ZNF528: variants seen among roughly 807,000 people sequenced by gnomAD.
ZNF528 encodes zinc finger protein 528.
ZNF528 carries 9 observed loss-of-function variants against 13.3 expected under a neutral mutation model. That is an observed-to-expected ratio of 0.67 (90% CI 0.41 to 1.18). The LOEUF (loss-of-function observed/expected upper bound fraction) is 1.18. Among genes scored for constraint, ZNF528 ranks in the 50% most tolerant of loss-of-function variants. The probability of loss-of-function intolerance (pLI) is 0.01; values close to 1 mark genes in which losing one functional copy is unlikely to be tolerated. For synonymous variants in ZNF528, 264 were observed against 254.3 expected (o/e 1.04, Z -0.36); for missense variants, 858 against 745.4 (o/e 1.15, Z -1.76).
chr19:52,417,183 C>T lies in ZNF528; in HGVS notation c.*444C>T, dbSNP rs763058233. The T allele has an allele frequency of 4.8e-5, 12 of 251,048 alleles. No homozygotes were observed. Among genetic ancestry groups the T allele is most frequent in the East Asian group, 2.4e-4 (2 of 8,236 alleles). The allele number at this position is 251,048 out of a possible 1,614,324, so 15.6% of individuals were successfully genotyped here. A position where few individuals can be genotyped will look rare whatever the true frequency, so the allele number is the denominator to read the frequency against. On this transcript the variant is annotated 3_prime_UTR_variant, in exon 7 of 7. Coordinates refer to ENST00000360465, the MANE Select transcript of ZNF528 (RefSeq NM_032423.3). ...AAGGCTACTTTACTCTTTGTGACTT[C>T]GAAATCTTTTCATGTGCCTTCCATA...
rs201245446 is a variant in ZNF528 at position 52,416,528 on chromosome 19, G to C, written c.1676G>C (p.Arg559Pro). ...YRCSKCGKAFRGCSGLTAHLA... is the reference protein window; with the variant it reads ...YRCSKCGKAFPGCSGLTAHLA... ...TGTAGTAAATGTGGCAAAGCATTTC[G>C]AGGGTGTTCAGGCCTTACTGCCCAT... is the stretch of plus-strand genomic sequence containing the variant. Residue 559 changes from arginine to proline, a missense_variant, in exon 7 of 7, where the codon CGA (arginine) becomes CCA (proline). Transcript: ENST00000360465. The C allele has an allele frequency of 6.2e-7, 1 of 1,614,148 alleles. No individual in the cohort carries two copies. The highest frequency in any genetic ancestry group is 1.7e-5 in the Admixed American group (1 of 60,020).
Position 52,415,452 on chromosome 19 carries a change from C to G in ZNF528, c.600C>G (p.Ser200Arg). The stretch of plus-strand genomic sequence containing the variant: ...GCCAAGTCTTTAGAGCATCTGCAAG[C>G]CTTACTAACCAAGTAATCCATAACG... The part of the protein sequence containing the change: ...EHGQVFRASA[S>R]LTNQVIHNAD... The change falls in exon 7 of 7, where the codon AGC (serine) becomes AGG (arginine). Residue 200 changes from serine (S) to arginine (R), a missense_variant. Transcript: ENST00000360465. 3.7e-6 allele frequency: 6 copies of G among 1,614,190 alleles called. No individual in the cohort carries two copies. The highest frequency in any genetic ancestry group is 5.1e-6 in the Non-Finnish European group (6 of 1,180,038).
Position 52,416,979 on chromosome 19 carries a change from C to A in ZNF528, c.*240C>A, listed in dbSNP as rs115564661. 1.9e-5 allele frequency: 9 copies of A among 474,748 alleles called. No homozygotes were observed. Among genetic ancestry groups the A allele is most frequent in the Non-Finnish European group, 3.4e-5 (9 of 267,364 alleles). 29.4% of individuals were successfully genotyped at this position (474,748 alleles called of 1,614,324 possible). A position where few individuals can be genotyped will look rare whatever the true frequency, so the allele number is the denominator to read the frequency against. On this transcript the variant is annotated 3_prime_UTR_variant, in exon 7 of 7. Transcript: ENST00000360465. ...GCTATAGAACACGATAGGATTTACA[C>A]AAGAAGTAACTCTGTCTCTGGTTCT...
At position 52,416,770 on chromosome 19, in the gene ZNF528, C is replaced by T; in HGVS notation, c.*31C>T. ...CCTACAAACTGTATGGCAAAACCAT[C>T]ATCATGAGTTCTAGCATTAATCAAC... On this transcript the variant is annotated 3_prime_UTR_variant, in exon 7 of 7. Transcript: ENST00000360465. 1 of 1,553,858 alleles carries T rather than the reference C, an allele frequency of 6.4e-7. No individual in the cohort carries two copies. The highest frequency in any genetic ancestry group is 2.3e-5 in the East Asian group (1 of 44,162).
intron 4 of ZNF528, 137 bp downstream of exon 4, chr19:52,402,165 CT>C: frequency 8.0e-7 from 1 of 1,250,504 alleles, no homozygotes; most frequent in Non-Finnish European, 1.1e-6. Flanking sequence ...CTTCCAGTCC[CT>C]TCATTTCCGC....
At chr19:52,414,316 A>G in intron 6 of ZNF528, 2 of 702,516 alleles carry the variant, frequency 2.8e-6, no homozygotes, top group Non-Finnish European at 5.2e-6. Context: ...TGCCACCTGC[A>G]CAGACCTTGG....
intron 6 of ZNF528, among the ~76,000 whole-genome samples, chr19:52,407,701 A>C (rs1404342189): frequency 6.6e-6 from 1 of 151,984 alleles, no homozygotes; most frequent in Non-Finnish European, 1.5e-5. Flanking sequence ...GCTTGAACCT[A>C]GGAGGTGGAG....
At chr19:52,401,662 CTT>C (rs34244828) in intron 2 of ZNF528, 21 bp from the exon 3 acceptor site, 30,905 of 883,984 alleles carry the variant, frequency 0.035, 1 homozygote, top group South Asian at 0.043. Flanking sequence ...TGAAGAATTG[CTT>C]TTTTTTTTTT....
chr19:52,408,967 A>G (rs2058894576), intron 6 of ZNF528, among the ~76,000 whole-genome samples: 1 of 152,218 alleles, frequency 6.6e-6, no homozygotes, highest in African/African-American at 2.4e-5. Context: ...GGACAGGTCT[A>G]GAATACTAAT....
chr19:52,402,239 G>C (rs1295175000), intron 4 of ZNF528, among the ~76,000 whole-genome samples: 1 of 152,114 alleles, frequency 6.6e-6, no homozygotes. Flanking sequence ...ACTGGGCATG[G>C]TCCGGGGGAG....
Position 52,399,460 on chromosome 19 carries a change from T to C in ZNF528, c.-137+841T>C, listed in dbSNP as rs2058766177. ...CCCATCTCTAGTAAAAATACAAAAA[T>C]TAGCTGGGCCTGATGGCCTGCGCCT... On this transcript the variant is annotated intron_variant, in intron 2 of 6. Coordinates refer to ENST00000360465, the MANE Select transcript of ZNF528 (RefSeq NM_032423.3). Among the ~76,000 whole-genome samples the C allele has an allele frequency of 3.9e-5, 6 of 152,024 alleles. No homozygotes were observed. The South Asian group carries it at 1.2e-3, about 32-fold the overall frequency.
At chr19:52,414,856 T>C in intron 6 of ZNF528, 2 of 1,181,476 alleles carry the variant, frequency 1.7e-6, no homozygotes, top group Non-Finnish European at 2.3e-6. Context: ...TCCCTGCTTC[T>C]TCCCAGAAGT....
intron 6 of ZNF528, among the ~76,000 whole-genome samples, chr19:52,410,733 C>T (rs541820826): frequency 7.2e-5 from 11 of 152,172 alleles, no homozygotes; most frequent in Non-Finnish European, 1.5e-4. Flanking sequence ...TGGCTGTAGC[C>T]GGGAGGCATG....
chr19:52,409,619 G>A (rs1397276828), intron 6 of ZNF528, among the ~76,000 whole-genome samples: 1 of 151,744 alleles, frequency 6.6e-6, no homozygotes, highest in East Asian at 1.9e-4. Flanking sequence ...GGGTTTTTTT[G>A]TTTGTTTGTT....
chr19:52,406,123 T>G (rs1599823445), intron 5 of ZNF528, 90 bp downstream of exon 5: 1 of 1,430,208 alleles, frequency 7.0e-7, no homozygotes, highest in East Asian at 2.4e-5. Context: ...CCTGCATTGC[T>G]TGCCTGAGAT....
At chr19:52,413,995 C>T (rs1198212792) in intron 6 of ZNF528, 1 of 515,084 alleles carries the variant, frequency 1.9e-6, no homozygotes, top group Non-Finnish European at 3.5e-6. Context: ...GAGTTCCAGG[C>T]TGTCTCAATA....
At position 52,401,113 on chromosome 19, in the gene ZNF528, A is replaced by C. The variant is rs371383768; in HGVS notation, c.-136-572A>C. Among the ~76,000 whole-genome samples, 31 of 152,086 alleles carry C rather than the reference A, an allele frequency of 2.0e-4. No individual in the cohort carries two copies. In the East Asian group the frequency reaches 4.5e-3, roughly 22 times the overall value. On this transcript the variant is annotated intron_variant, in intron 2 of 6. Coordinates refer to ENST00000360465, the MANE Select transcript of ZNF528 (RefSeq NM_032423.3). ...TCATCTATGGTTTTAAACACCACCAACATGTCTCCATTTTCCCTCTTCACC... is the reference window on the plus strand; with the variant it reads ...TCATCTATGGTTTTAAACACCACCACCATGTCTCCATTTTCCCTCTTCACC...
In ZNF528 at chr19:52,418,344, T is replaced by G. The variant is rs1332575430; in HGVS notation, c.*1605T>G. ...TCTTGGTATTATAAGTTGCAACCAT[T>G]TGATTTAGAATGTATGCAGCTCTCA... is the stretch of plus-strand genomic sequence containing the variant. On this transcript the variant is annotated 3_prime_UTR_variant, in exon 7 of 7. Transcript: ENST00000360465. The G allele has an allele frequency of 6.6e-6, 1 of 152,186 alleles. No individual in the cohort carries two copies. Among genetic ancestry groups the G allele is most frequent in the East Asian group, 1.9e-4 (1 of 5,190 alleles). 9.4% of individuals were successfully genotyped at this position (152,186 alleles called of 1,614,324 possible).
chr19:52,407,729 T>C (rs534346169), intron 6 of ZNF528, among the ~76,000 whole-genome samples: 69 of 152,198 alleles, frequency 4.5e-4, no homozygotes, highest in African/African-American at 1.6e-3. Flanking sequence ...TGAGCCGAGA[T>C]TGCACCACTG....
Sources: allele counts gnomAD v4.1 joint callset (sites outside exome capture counted in the v4.1 genomes callset), GRCh38; gene constraint gnomAD v4.1.1; transcripts MANE v1.5; gene names NCBI Gene and HGNC (gene_info 2026-07-23, HGNC 2026-07-21).